The following GRM1 variants were observed in gnomAD, a reference collection of about 807,000 sequenced individuals.
The protein encoded by GRM1 is metabotropic glutamate receptor 1.
A neutral mutation model predicts 90.9 loss-of-function variants in GRM1; 33 were observed. That is an observed-to-expected ratio of 0.36 (90% CI 0.28 to 0.49). The LOEUF (loss-of-function observed/expected upper bound fraction) is 0.49. Among genes scored for constraint, GRM1 ranks in the 20% least tolerant of loss-of-function variants. The pLI, the probability that GRM1 is intolerant of heterozygous loss-of-function variation, is 0.99. For synonymous variants in GRM1, 700 were observed against 613.2 expected (o/e 1.14, Z -2.09); for missense variants, 1,190 against 1,534.3 (o/e 0.78, Z 3.75).
chr6:146,280,590 C>T (rs1782531200), intron 2 of GRM1, among the ~76,000 whole-genome samples: 1 of 152,022 alleles, frequency 6.6e-6, no homozygotes, highest in South Asian at 2.1e-4. Flanking sequence ...ATTGTATCCC[C>T]TTTCTCTTAT....
chr6:146,331,566 T>C (rs1247242368), intron 3 of GRM1, among the ~76,000 whole-genome samples: 3 of 152,174 alleles, frequency 2.0e-5, no homozygotes, highest in Non-Finnish European at 4.4e-5. Context: ...GGGATATCAT[T>C]TGTTGCTATC....
chr6:146,159,412 C>T lies in GRM1; in HGVS notation c.765C>T (p.Ile255=). The change falls in exon 2 of 8, where the codon ATC becomes ATT. Residue 255 remains isoleucine, a synonymous_variant. Coordinates refer to ENST00000282753, the MANE Select transcript of GRM1 (RefSeq NM_001278064.2). ...TGGCTGCCCAGGAAGGCCTCTGTAT[C>T]GCCCATTCTGACAAAATCTACAGCA... is the stretch of plus-strand genomic sequence containing the variant. ...KELAAQEGLC[I]AHSDKIYSNA... is the part of the protein sequence containing the mutation. The T allele has an allele frequency of 1.2e-6, 2 of 1,614,176 alleles. No individual in the cohort carries two copies. The highest frequency in any genetic ancestry group is 2.2e-5 in the South Asian group (2 of 91,082).
chr6:146,383,991 C>A (rs1444924528), intron 5 of GRM1, among the ~76,000 whole-genome samples: 1 of 151,910 alleles, frequency 6.6e-6, no homozygotes, highest in Non-Finnish European at 1.5e-5. Context: ...CAAGGTGAAC[C>A]CTAAAATCAC....
chr6:146,129,122 T>C (rs1776299747), intron 1 of GRM1, among the ~76,000 whole-genome samples: 1 of 152,228 alleles, frequency 6.6e-6, no homozygotes, highest in South Asian at 2.1e-4. Flanking sequence ...GAAAATTTTC[T>C]TTTTAATTTC....
intron 1 of GRM1, among the ~76,000 whole-genome samples, chr6:146,099,881 T>TTCC (rs1776995114): frequency 6.6e-6 from 1 of 152,224 alleles, no homozygotes; most frequent in Non-Finnish European, 1.5e-5. Context: ...CTAAGGTATA[T>TTCC]ACTTAGCAGT....
At chr6:146,040,129 GA>G (rs911649288) in intron 1 of GRM1, among the ~76,000 whole-genome samples, 86 of 151,968 alleles carry the variant, frequency 5.7e-4, no homozygotes, top group African/African-American at 2.0e-3. Flanking sequence ...ACAGAAAAGG[GA>G]AAAAGGACAG....
intron 2 of GRM1, among the ~76,000 whole-genome samples, chr6:146,247,814 A>G (rs557156088): frequency 1.4e-5 from 2 of 147,826 alleles, no homozygotes; most frequent in South Asian, 4.2e-4. Context: ...GTATATATAT[A>G]TATATAAAAT....
intron 2 of GRM1, among the ~76,000 whole-genome samples, chr6:146,189,025 G>A (rs1186049790): frequency 6.6e-6 from 1 of 152,222 alleles, no homozygotes; most frequent in African/African-American, 2.4e-5. Flanking sequence ...CCATAACGTG[G>A]TTGAGAGAGA....
chr6:146,342,113 G>A (rs969366951), intron 3 of GRM1, among the ~76,000 whole-genome samples: 1 of 152,200 alleles, frequency 6.6e-6, no homozygotes, highest in Admixed American at 6.5e-5. Flanking sequence ...ATAGTTTATT[G>A]TGGCGGTGTT....
chr6:146,190,283 T>A (rs1473783389), intron 2 of GRM1, among the ~76,000 whole-genome samples: 1 of 152,014 alleles, frequency 6.6e-6, no homozygotes, highest in Non-Finnish European at 1.5e-5. Flanking sequence ...AAGCATGGAG[T>A]CTGAAGTTAG....
chr6:146,434,071 C>T lies in GRM1; in HGVS notation c.2860C>T (p.Leu954Phe), dbSNP rs1583494926. ...CTTTTCAGATACCAGCACCAAGACC[C>T]TTTACAACGTAGAGGAGGAGGAGGA... ...LTFSDTSTKT[L>F]YNVEEEEDAQ... The change falls in exon 8 of 8, where the codon CTT (leucine) becomes TTT (phenylalanine). Residue 954 changes from leucine to phenylalanine, a missense_variant. Physicochemically the swap from Leu to Phe is conservative, Grantham distance 22 (BLOSUM62 0). This residue lies in a region of GRM1 where 400 missense variants were observed against 360.8 expected (regional missense o/e 1.11). Transcript: ENST00000282753. 6 of 1,614,220 alleles carry T rather than the reference C, an allele frequency of 3.7e-6. No individual in the cohort carries two copies. Among genetic ancestry groups the T allele is most frequent in the Non-Finnish European group, 5.1e-6 (6 of 1,180,038 alleles).
rs750909987 is a variant in GRM1 at position 146,426,566 on chromosome 6, C to A, written c.2661-7306C>A. 1.2e-5 allele frequency: 20 copies of A among 1,612,432 alleles called. No individual in the cohort carries two copies. In the East Asian group the frequency reaches 4.5e-4, roughly 36 times the overall value. On this transcript the variant is annotated intron_variant, in intron 7 of 7. Coordinates refer to ENST00000282753, the MANE Select transcript of GRM1 (RefSeq NM_001278064.2). Reference sequence around the variant, plus strand: ...TTTCTTTTCAATCTTCAGGAAGAGGCAGCCAGAATTCTCGCCCACCAGCCA... The same window carrying A: ...TTTCTTTTCAATCTTCAGGAAGAGGAAGCCAGAATTCTCGCCCACCAGCCA...
At chr6:146,294,985 T>C (rs1322667674) in intron 2 of GRM1, among the ~76,000 whole-genome samples, 1 of 114,754 alleles carries the variant, frequency 8.7e-6, no homozygotes, top group Non-Finnish European at 2.1e-5. Flanking sequence ...AGAAAGTCTG[T>C]TTTTTTTTAA....
At position 146,029,227 on chromosome 6, in the gene GRM1, C is replaced by G; in HGVS notation, c.-291C>G. ...TAGCTCACCGCTGCCAACACGACTTCCACTGTACTCTTGATCAATTTACCT... is the reference window on the plus strand; with the variant it reads ...TAGCTCACCGCTGCCAACACGACTTGCACTGTACTCTTGATCAATTTACCT... On this transcript the variant is annotated 5_prime_UTR_variant, in exon 1 of 8. Coordinates refer to ENST00000282753, the MANE Select transcript of GRM1 (RefSeq NM_001278064.2). 1 of 485,576 alleles carries G rather than the reference C, an allele frequency of 2.1e-6. No individual in the cohort carries two copies. The highest frequency in any genetic ancestry group is 3.8e-6 in the Non-Finnish European group (1 of 265,178). The allele number at this position is 485,576 out of a possible 1,614,324, so 30.1% of individuals were successfully genotyped here.
At chr6:146,284,361 A>G (rs1782684350) in intron 2 of GRM1, among the ~76,000 whole-genome samples, 1 of 152,228 alleles carries the variant, frequency 6.6e-6, no homozygotes, top group Admixed American at 6.5e-5. Context: ...TGTAATCTAC[A>G]TACATATATA....
chr6:146,384,175 T>C (rs1283599621), intron 5 of GRM1, among the ~76,000 whole-genome samples: 3 of 152,070 alleles, frequency 2.0e-5, no homozygotes, highest in Non-Finnish European at 4.4e-5. Context: ...AAGATGGATC[T>C]ATGCAAAAAA....
At chr6:146,279,900 G>T (rs923880309) in intron 2 of GRM1, among the ~76,000 whole-genome samples, 1 of 151,952 alleles carries the variant, frequency 6.6e-6, no homozygotes, top group Admixed American at 6.6e-5. Context: ...GTTCACCAGT[G>T]TGTAATTTAT....
In GRM1 at chr6:146,357,557, G is replaced by A. The variant is rs765142468; in HGVS notation, c.1465G>A (p.Ala489Thr). The A allele has an allele frequency of 3.7e-6, 6 of 1,613,578 alleles. No homozygotes were observed. The highest frequency in any genetic ancestry group is 1.7e-5 in the Admixed American group (1 of 59,994). ...YDIMNLQYTEANRYDYVHVGT... is the reference protein window; with the variant it reads ...YDIMNLQYTETNRYDYVHVGT... ...TATCATGAATCTGCAGTACACTGAA[G>A]CTAATCGCTATGACTATGTGCACGT... The change falls in exon 5 of 8, where the codon GCT (alanine) becomes ACT (threonine). Residue 489 changes from alanine (A) to threonine (T), a missense_variant. This residue lies in a region of GRM1 where 414 missense variants were observed against 598.4 expected (regional missense o/e 0.69). Transcript: ENST00000282753.
rs141854083 is a variant in GRM1, at chr6:146,321,645, G to A, written c.1186+16799G>A. 3.8e-3 allele frequency among the ~76,000 whole-genome samples: 577 copies of A among 152,098 alleles called. 4 individuals carry two copies. Among genetic ancestry groups the A allele is most frequent in the African/African-American group, 0.013 (539 of 41,490 alleles). On this transcript the variant is annotated intron_variant, in intron 3 of 7. Transcript: ENST00000282753. ...CTAAAAACTTGCTTTATGAATCTCGGTGCTCCTGTATTGGGTGCATATTTA... is the reference window on the plus strand; with the variant it reads ...CTAAAAACTTGCTTTATGAATCTCGATGCTCCTGTATTGGGTGCATATTTA...
Sources: allele counts gnomAD v4.1 joint callset (sites outside exome capture counted in the v4.1 genomes callset), GRCh38; gene constraint gnomAD v4.1.1; regional missense constraint gnomAD v4.1.1; transcripts MANE v1.5; gene names NCBI Gene and HGNC (gene_info 2026-07-23, HGNC 2026-07-21).